The following SIM2 variants were observed in gnomAD, a reference collection of about 807,000 sequenced individuals.
SIM2 encodes SIM bHLH transcription factor 2.
A neutral mutation model predicts 64.8 loss-of-function variants in SIM2; 28 were observed. The ratio of observed to expected loss-of-function variants is 0.43; its 90% CI spans 0.32 to 0.59. The LOEUF (loss-of-function observed/expected upper bound fraction) is 0.59, where lower values mean the gene tolerates loss of function less well. Ranked by LOEUF, SIM2 falls within the 20% of genes least tolerant of loss-of-function variation. The pLI, the probability that SIM2 is intolerant of heterozygous loss-of-function variation, is 0.07. For synonymous variants in SIM2, 408 were observed against 391.1 expected (o/e 1.04, Z -0.51); for missense variants, 847 against 871.4 (o/e 0.97, Z 0.35).
Position 36,747,705 on chromosome 21 carries a change from G to A in SIM2, c.1617G>A (p.Ala539=). Residue 539 remains alanine (A), a synonymous_variant, in exon 11 of 11, where the codon GCG becomes GCA. Coordinates refer to ENST00000290399, the MANE Select transcript of SIM2 (RefSeq NM_005069.6). The surrounding 1 kb of genome is among the most constrained non-coding windows in gnomAD (Gnocchi z 4.5). ...AAVRRFGEDT[A]PPSFPSCGHY... The stretch of plus-strand genomic sequence containing the variant: ...TGCGCAGGTTCGGCGAGGACACCGC[G>A]CCCCCGAGCTTCCCGAGCTGCGGCC... The A allele has an allele frequency of 7.8e-7, 1 of 1,281,348 alleles. No individual in the cohort carries two copies. Among genetic ancestry groups the A allele is most frequent in the Non-Finnish European group, 9.9e-7 (1 of 1,012,084 alleles). The allele number at this position is 1,281,348 out of a possible 1,614,324, so 79.4% of individuals were successfully genotyped here. A position where few individuals can be genotyped will look rare whatever the true frequency, so the allele number is the denominator to read the frequency against.
rs1178536582 is a variant in SIM2, at chr21:36,747,447, C to T, written c.1577-218C>T. Among the ~76,000 whole-genome samples the T allele has an allele frequency of 6.6e-6, 1 of 152,150 alleles. No individual in the cohort carries two copies. The highest frequency in any genetic ancestry group is 2.4e-5 in the African/African-American group (1 of 41,458). On this transcript the variant is annotated intron_variant, in intron 10 of 10. Coordinates refer to ENST00000290399, the MANE Select transcript of SIM2 (RefSeq NM_005069.6). This position sits in a 1 kb window ranked among gnomAD's most constrained non-coding sequence, Gnocchi z 4.5. ...AACGTGTATTACTTAACAGGCATTC[C>T]ACCTGTTTCCCTGCTTTGTAACGCG...
Position 36,726,384 on chromosome 21 carries a change from C to A in SIM2, c.743+66C>A. 1.4e-6 allele frequency: 2 copies of A among 1,425,796 alleles called. No homozygotes were observed. The highest frequency in any genetic ancestry group is 1.2e-5 in the South Asian group (1 of 82,624). 88.3% of individuals were successfully genotyped at this position (1,425,796 alleles called of 1,614,324 possible). ...AGACACCGGTGGTGGAAATGGGTCC[C>A]TGAAAGCTGCCATCTTGGCCAAATC... On this transcript the variant is annotated intron_variant, in intron 6 of 10. Transcript: ENST00000290399. This position sits in a 1 kb window ranked among gnomAD's most constrained non-coding sequence, Gnocchi z 4.5.
chr21:36,721,597 C>T (rs530795093), intron 4 of SIM2, among the ~76,000 whole-genome samples: 10 of 152,188 alleles, frequency 6.6e-5, no homozygotes, highest in South Asian at 2.1e-4. Flanking sequence ...CCTGCCACCA[C>T]GCCTGGCTAA....
rs1169217228 is a variant in SIM2, at chr21:36,714,333, TAA to T, written c.348+1713_348+1714del. On this transcript the variant is annotated intron_variant, in intron 3 of 10. Transcript: ENST00000290399. ...CTGATCAAAAATCTTTTAAAATAGG[TAA>T]AGTCACTGTTATCAAATATTAAATT... 3.9e-5 allele frequency among the ~76,000 whole-genome samples: 6 copies of T among 152,336 alleles called. No homozygotes were observed. In the South Asian group the frequency reaches 1.2e-3, roughly 32 times the overall value.
intron 7 of SIM2, among the ~76,000 whole-genome samples, chr21:36,737,046 C>T (rs1283101290): frequency 1.3e-5 from 2 of 152,152 alleles, no homozygotes; most frequent in South Asian, 2.1e-4. Flanking sequence ...CCTGCCTCAG[C>T]CTCCTGAGTA....
intron 7 of SIM2, among the ~76,000 whole-genome samples, chr21:36,734,316 C>A (rs146078393): frequency 1.3e-5 from 2 of 152,188 alleles, no homozygotes; most frequent in East Asian, 3.9e-4. Context: ...TTGAAGTTGT[C>A]CAAGGGGACT....
At chr21:36,736,120 G>A (rs1470381536) in intron 7 of SIM2, among the ~76,000 whole-genome samples, 1 of 152,188 alleles carries the variant, frequency 6.6e-6, no homozygotes, top group African/African-American at 2.4e-5. Flanking sequence ...TGCCACAACC[G>A]AGTGTAGCTG....
In SIM2 at chr21:36,747,942, C is replaced by T. The variant is rs1406776884; in HGVS notation, c.1854C>T (p.Ala618=). The change falls in exon 11 of 11, where the codon GCC becomes GCT. Residue 618 remains alanine (A), a synonymous_variant. Coordinates refer to ENST00000290399, the MANE Select transcript of SIM2 (RefSeq NM_005069.6). The surrounding 1 kb of genome is among the most constrained non-coding windows in gnomAD (Gnocchi z 4.5). ...GACCGCTGGGGGGCGCCGCACCCGCCGCCTCCGGCCTGGCCTGCGCTCCCG... is the reference window on the plus strand; with the variant it reads ...GACCGCTGGGGGGCGCCGCACCCGCTGCCTCCGGCCTGGCCTGCGCTCCCG... ...RRGPLGGAAP[A]ASGLACAPGG... 13 of 1,021,968 alleles carry T rather than the reference C, an allele frequency of 1.3e-5. No individual in the cohort carries two copies. The highest frequency in any genetic ancestry group is 1.5e-5 in the Non-Finnish European group (13 of 856,470). The allele number at this position is 1,021,968 out of a possible 1,614,324, so 63.3% of individuals were successfully genotyped here. A position where few individuals can be genotyped will look rare whatever the true frequency, so the allele number is the denominator to read the frequency against.
At chr21:36,715,745 G>A (rs2088738344) in intron 3 of SIM2, among the ~76,000 whole-genome samples, 1 of 152,086 alleles carries the variant, frequency 6.6e-6, no homozygotes, top group South Asian at 2.1e-4. Flanking sequence ...TTTGTTTTTG[G>A]TCTAACCTCT....
chr21:36,705,464 A>C (rs737489), intron 1 of SIM2, among the ~76,000 whole-genome samples: 10,968 of 152,276 alleles, frequency 0.072, 476 homozygotes, highest in Non-Finnish European at 0.094. Flanking sequence ...GAGAGGCCGC[A>C]GGCAGGGAAG....
chr21:36,741,438 G>A (rs901698529), intron 7 of SIM2, among the ~76,000 whole-genome samples: 5 of 152,232 alleles, frequency 3.3e-5, no homozygotes, highest in Non-Finnish European at 5.9e-5. Context: ...GGTGGCTAAT[G>A]TTTCCCTCAA....
At chr21:36,722,019 C>T (rs1371834640) in intron 4 of SIM2, among the ~76,000 whole-genome samples, 2 of 152,134 alleles carry the variant, frequency 1.3e-5, no homozygotes, top group Non-Finnish European at 2.9e-5. Flanking sequence ...CCCAGCTGCT[C>T]CATTTTCTCC....
rs1460023300 is a variant in SIM2 at position 36,744,239 on chromosome 21, G to A, written c.1168-489G>A. Among the ~76,000 whole-genome samples the A allele has an allele frequency of 2.0e-5, 3 of 150,286 alleles. No homozygotes were observed. The Admixed American group carries it at 2.0e-4, about 10-fold the overall frequency. On this transcript the variant is annotated intron_variant, in intron 9 of 10. Transcript: ENST00000290399. ...AGAGCAAGACTCCATCACTTGTTCT[G>A]TGCCAAGTGAACTTTGGTAATGTGG...
intron 5 of SIM2, among the ~76,000 whole-genome samples, chr21:36,725,785 T>A (rs2088882087): frequency 6.6e-6 from 1 of 152,060 alleles, no homozygotes; most frequent in Non-Finnish European, 1.5e-5. Flanking sequence ...CATGCCCGGA[T>A]AATTTTTGTA....
rs535304494 is a variant in SIM2, at chr21:36,745,825, C to T, written c.1576+689C>T. 3.8e-6 allele frequency: 5 copies of T among 1,304,126 alleles called. No homozygotes were observed. The Admixed American group carries it at 9.2e-5, about 24-fold the overall frequency. 80.8% of individuals were successfully genotyped at this position (1,304,126 alleles called of 1,614,324 possible). A position where few individuals can be genotyped will look rare whatever the true frequency, so the allele number is the denominator to read the frequency against. Reference sequence around the variant, plus strand: ...CAGATGTCCTCTGCGGAGATACCGCCAGCTCCCCAGGACGCAGACTGACTC... The same window carrying T: ...CAGATGTCCTCTGCGGAGATACCGCTAGCTCCCCAGGACGCAGACTGACTC... On this transcript the variant is annotated intron_variant, in intron 10 of 10. Transcript: ENST00000290399. This position sits in a 1 kb window ranked among gnomAD's most constrained non-coding sequence, Gnocchi z 4.8.
chr21:36,738,983 G>A, intron 7 of SIM2, among the ~76,000 whole-genome samples: 1 of 152,328 alleles, frequency 6.6e-6, no homozygotes, highest in African/African-American at 2.4e-5. Flanking sequence ...CATCCTGACG[G>A]GGTGGTGGGG....
At chr21:36,739,468 C>T (rs1027079256) in intron 7 of SIM2, among the ~76,000 whole-genome samples, 3 of 152,202 alleles carry the variant, frequency 2.0e-5, no homozygotes, top group Admixed American at 6.5e-5. Flanking sequence ...TATTAATCAT[C>T]ATTTTAATGG....
intron 7 of SIM2, among the ~76,000 whole-genome samples, chr21:36,732,196 A>T (rs1352738011): frequency 1.3e-5 from 2 of 152,316 alleles, no homozygotes; most frequent in South Asian, 4.1e-4. Context: ...CACTTTCAGA[A>T]TCCAAATGGA....
chr21:36,733,990 T>C (rs536962160), intron 7 of SIM2, among the ~76,000 whole-genome samples: 6 of 152,282 alleles, frequency 3.9e-5, no homozygotes, highest in Admixed American at 2.6e-4. Context: ...TGCGGGCAGT[T>C]TGGGGAGCTG....
Sources: gnomAD v4.1 joint callset for allele counts (sites outside exome capture counted in the v4.1 genomes callset) on GRCh38, gnomAD v4.1.1 for gene constraint, Gnocchi (gnomAD v3.1) non-coding constraint, MANE v1.5 for transcripts, NCBI Gene and HGNC (gene_info 2026-07-23, HGNC 2026-07-21) for gene names.